The following CHSY3 variants were observed in gnomAD, a reference collection of about 807,000 sequenced individuals.
CHSY3 encodes chondroitin sulfate synthase 3, also known as N-acetylgalactosaminyl-proteoglycan 3-beta-glucuronosyltransferase 3.
CHSY3 carries 35 observed loss-of-function variants against 67.2 expected under a neutral mutation model. The ratio of observed to expected loss-of-function variants is 0.52; its 90% CI spans 0.40 to 0.69. The LOEUF (loss-of-function observed/expected upper bound fraction) is 0.69. Among genes scored for constraint, CHSY3 ranks in the 30% least tolerant of loss-of-function variants. The pLI is 0.00. For synonymous variants in CHSY3, 474 were observed against 434.7 expected (o/e 1.09, Z -1.12); for missense variants, 1,069 against 1,138.5 (o/e 0.94, Z 0.88).
At chr5:129,984,278 G>T (rs565390089) in intron 2 of CHSY3, among the ~76,000 whole-genome samples, 1 of 152,034 alleles carries the variant, frequency 6.6e-6, no homozygotes, top group African/African-American at 2.4e-5. Flanking sequence ...AAAACATGTG[G>T]TACTTGGTTT....
chr5:130,080,902 A>G (rs1176618003), intron 2 of CHSY3, among the ~76,000 whole-genome samples: 1 of 152,140 alleles, frequency 6.6e-6, no homozygotes, highest in African/African-American at 2.4e-5. Flanking sequence ...ATTTATTAGC[A>G]TGCACAGGGA....
chr5:129,969,618 A>G (rs563565627), intron 2 of CHSY3, among the ~76,000 whole-genome samples: 1 of 151,920 alleles, frequency 6.6e-6, no homozygotes, highest in African/African-American at 2.4e-5. Context: ...ACTCTTTACA[A>G]AGGATATGTG....
chr5:130,181,001 T>G (rs1371133365), intron 2 of CHSY3, among the ~76,000 whole-genome samples: 1 of 152,232 alleles, frequency 6.6e-6, no homozygotes, highest in East Asian at 1.9e-4. Context: ...AAACTACCTC[T>G]TGGCATTTAT....
chr5:129,926,770 T>C (rs1270931159), intron 2 of CHSY3, among the ~76,000 whole-genome samples: 1 of 151,934 alleles, frequency 6.6e-6, no homozygotes. Context: ...TATAGTTTTG[T>C]TTGTGTTTTT....
intron 2 of CHSY3, among the ~76,000 whole-genome samples, chr5:130,043,525 G>T (rs936009149): frequency 1.3e-5 from 2 of 152,238 alleles, no homozygotes; most frequent in Admixed American, 1.3e-4. Context: ...GGGTCTGTTT[G>T]CATTCTGTTT....
chr5:129,976,272 T>G (rs1292534193), intron 2 of CHSY3, among the ~76,000 whole-genome samples: 1 of 152,096 alleles, frequency 6.6e-6, no homozygotes, highest in East Asian at 1.9e-4. Flanking sequence ...GGCAGAAAAT[T>G]CATAAGGAAT....
chr5:129,981,709 T>C (rs149574908), intron 2 of CHSY3, among the ~76,000 whole-genome samples: 43 of 152,098 alleles, frequency 2.8e-4, no homozygotes, highest in African/African-American at 9.6e-4. Flanking sequence ...TATTTTCTTG[T>C]CTTCTTGTCT....
At chr5:129,980,368 C>A (rs1185101647) in intron 2 of CHSY3, among the ~76,000 whole-genome samples, 1 of 152,194 alleles carries the variant, frequency 6.6e-6, no homozygotes, top group Non-Finnish European at 1.5e-5. Flanking sequence ...ACATTTCATT[C>A]ACATTCATTT....
intron 2 of CHSY3, among the ~76,000 whole-genome samples, chr5:130,160,434 C>A (rs1037814027): frequency 2.0e-5 from 3 of 152,186 alleles, no homozygotes; most frequent in Non-Finnish European, 2.9e-5. Flanking sequence ...CTTTGGACCT[C>A]ATTTCTTTCT....
chr5:130,081,577 A>G (rs1766448555), intron 2 of CHSY3, among the ~76,000 whole-genome samples: 2 of 152,152 alleles, frequency 1.3e-5, no homozygotes, highest in East Asian at 1.9e-4. Context: ...GGCTCCCATA[A>G]TACCCACATG....
chr5:130,020,220 C>A (rs1429687411), intron 2 of CHSY3, among the ~76,000 whole-genome samples: 1 of 151,574 alleles, frequency 6.6e-6, no homozygotes, highest in Non-Finnish European at 1.5e-5. Context: ...GAGTTAGAGA[C>A]CAGCCTGGAC....
At chr5:130,037,330 C>A (rs1445113925) in intron 2 of CHSY3, among the ~76,000 whole-genome samples, 1 of 152,114 alleles carries the variant, frequency 6.6e-6, no homozygotes, top group Non-Finnish European at 1.5e-5. Flanking sequence ...CCTTCCCACC[C>A]TCAGCCCCCT....
At chr5:130,162,901 T>A (rs1769600702) in intron 2 of CHSY3, among the ~76,000 whole-genome samples, 1 of 152,134 alleles carries the variant, frequency 6.6e-6, no homozygotes, top group South Asian at 2.1e-4. Context: ...ACTCAGGTGA[T>A]GTGAATGTAG....
intron 2 of CHSY3, among the ~76,000 whole-genome samples, chr5:129,923,820 A>G (rs1761003976): frequency 3.9e-5 from 6 of 152,232 alleles, no homozygotes. Context: ...ATGGCTTTGC[A>G]GCCCTTTGTG....
Position 129,905,107 on chromosome 5 carries a change from C to T in CHSY3, c.278C>T (p.Pro93Leu). Residue 93 changes from proline (P) to leucine (L), a missense_variant, in exon 1 of 3, where the codon CCC becomes CTC. By Grantham distance (98) the Pro-to-Leu change is moderately conservative. Coordinates refer to ENST00000305031, the MANE Select transcript of CHSY3 (RefSeq NM_175856.5). ...LQGPPLPEAA[P>L]GITSFRSSPW... ...GGGCCACCGCTGCCCGAGGCAGCAC[C>T]CGGGATCACCAGTTTTCGAAGCAGC... 1 of 1,540,272 alleles carries T rather than the reference C, an allele frequency of 6.5e-7. No homozygotes were observed. Among genetic ancestry groups the T allele is most frequent in the Non-Finnish European group, 8.7e-7 (1 of 1,149,106 alleles).
chr5:130,047,651 T>A (rs1387821177), intron 2 of CHSY3, among the ~76,000 whole-genome samples: 3 of 152,146 alleles, frequency 2.0e-5, no homozygotes, highest in African/African-American at 7.2e-5. Flanking sequence ...ATATAATATG[T>A]TCTAAAATCC....
chr5:130,126,965 A>G (rs1053237619), intron 2 of CHSY3, among the ~76,000 whole-genome samples: 16 of 152,116 alleles, frequency 1.1e-4, no homozygotes, highest in Non-Finnish European at 1.5e-4. Flanking sequence ...CTGTGTGGCT[A>G]TGCTAATCCT....
At chr5:130,055,279 TAAAA>T (rs200891155) in intron 2 of CHSY3, among the ~76,000 whole-genome samples, 1 of 140,046 alleles carries the variant, frequency 7.1e-6, no homozygotes, top group Non-Finnish European at 1.6e-5. Context: ...TTGCCCCTTG[TAAAA>T]AAAAAAAAAA....
intron 2 of CHSY3, among the ~76,000 whole-genome samples, chr5:130,115,720 G>A (rs571700033): frequency 4.6e-5 from 7 of 152,136 alleles, no homozygotes; most frequent in Non-Finnish European, 8.8e-5. Context: ...TTGACTTCTT[G>A]TCTGTGAATT....
Sources: gnomAD v4.1 joint callset for allele counts (sites outside exome capture counted in the v4.1 genomes callset) on GRCh38, gnomAD v4.1.1 for gene constraint, MANE v1.5 for transcripts, NCBI Gene and HGNC (gene_info 2026-07-23, HGNC 2026-07-21) for gene names.